The following RORC variants were observed in gnomAD, a reference collection of about 807,000 sequenced individuals.
The protein encoded by RORC is RAR related orphan receptor C, also known as nuclear receptor ROR-gamma.
RORC carries 13 observed loss-of-function variants against 64.5 expected under a neutral mutation model. The observed-to-expected ratio is 0.20, with a 90% CI of 0.13 to 0.32. The LOEUF (loss-of-function observed/expected upper bound fraction) is 0.32, where lower values mean the gene tolerates loss of function less well. Ranked by LOEUF, RORC falls within the 10% of genes least tolerant of loss-of-function variation. The probability of loss-of-function intolerance (pLI) is 1.00; values close to 1 mark genes in which losing one functional copy is unlikely to be tolerated. For missense variants in RORC, 468 were observed against 669.5 expected (o/e 0.70, Z 3.32); for synonymous variants, 277 against 259.3 (o/e 1.07, Z -0.65).
At chr1:151,825,876 G>C in intron 2 of RORC, 6 of 1,601,434 alleles carry the variant, frequency 3.7e-6, no homozygotes, top group Non-Finnish European at 5.1e-6. Context: ...CCTTTCCAGA[G>C]GGGTGACGAC....
In RORC at chr1:151,830,512, T is replaced by C. The variant is rs547855751; in HGVS notation, c.41-1054A>G. 1.3e-5 allele frequency among the ~76,000 whole-genome samples: 2 copies of C among 152,150 alleles called. No homozygotes were observed. The highest frequency in any genetic ancestry group is 4.8e-5 in the African/African-American group (2 of 41,496). Reference sequence around the variant, plus strand: ...CATCACAGAACACATGGCCAGTCTTTTGTCTCAGAAAGCCCTTCAACCATG... The same window carrying C: ...CATCACAGAACACATGGCCAGTCTTCTGTCTCAGAAAGCCCTTCAACCATG... On this transcript the variant is annotated intron_variant, in intron 1 of 10. Coordinates refer to ENST00000318247, the MANE Select transcript of RORC (RefSeq NM_005060.4). The surrounding 1 kb of genome is among the most constrained non-coding windows in gnomAD (Gnocchi z 4.0).
intron 2 of RORC, among the ~76,000 whole-genome samples, chr1:151,819,096 G>A (rs1651884816): frequency 6.6e-6 from 1 of 152,140 alleles, no homozygotes; most frequent in African/African-American, 2.4e-5. Context: ...GGTCCCCCCA[G>A]GACCAGGCGG....
intron 9 of RORC, chr1:151,812,300 A>G (rs1651568159): frequency 6.6e-6 from 1 of 152,230 alleles, no homozygotes; most frequent in Admixed American, 6.5e-5. Flanking sequence ...TTGAATACCC[A>G]TGCAACCATC....
chr1:151,822,526 G>C (rs1652032144), intron 2 of RORC, among the ~76,000 whole-genome samples: 1 of 152,204 alleles, frequency 6.6e-6, no homozygotes, highest in African/African-American at 2.4e-5. Flanking sequence ...ACCCCCTCCT[G>C]GTGCCTCCGC....
intron 2 of RORC, among the ~76,000 whole-genome samples, chr1:151,826,761 G>A (rs1652210392): frequency 6.6e-6 from 1 of 152,154 alleles, no homozygotes; most frequent in Admixed American, 6.6e-5. Context: ...TAATAATAGT[G>A]CTTACTATTA....
chr1:151,831,014 A>T (rs1652391360), intron 1 of RORC: 1 of 1,289,212 alleles, frequency 7.8e-7, no homozygotes, highest in African/African-American at 1.5e-5. Flanking sequence ...CTCACAGCTG[A>T]CCAAGCCTGT....
At chr1:151,811,576 TA>T (rs1651534359) in intron 9 of RORC, 142 bp from the exon 10 acceptor site, 2 of 536,696 alleles carry the variant, frequency 3.7e-6, no homozygotes, top group Non-Finnish European at 6.7e-6. Context: ...CTTGGTTTGA[TA>T]ATGGTAAGCT....
At chr1:151,825,560 G>C (rs757679033) in intron 2 of RORC, among the ~76,000 whole-genome samples, 2 of 152,174 alleles carry the variant, frequency 1.3e-5, no homozygotes, top group African/African-American at 4.8e-5. Flanking sequence ...AGGAGAGTGC[G>C]TTCAGGGCCC....
At chr1:151,820,958 T>A (rs1572042681) in intron 2 of RORC, among the ~76,000 whole-genome samples, 2 of 152,316 alleles carry the variant, frequency 1.3e-5, no homozygotes, top group African/African-American at 4.8e-5. Flanking sequence ...TTTTCTGCCA[T>A]CCAGTGTGAC....
At chr1:151,818,789 G>A (rs551273332) in intron 2 of RORC, among the ~76,000 whole-genome samples, 1 of 152,326 alleles carries the variant, frequency 6.6e-6, no homozygotes, top group East Asian at 1.9e-4. Context: ...AATGCACATT[G>A]CTGTGATCTC....
intron 2 of RORC, among the ~76,000 whole-genome samples, chr1:151,822,163 G>A (rs985207874): frequency 5.9e-5 from 9 of 151,874 alleles, no homozygotes; most frequent in Admixed American, 5.9e-4. Context: ...GATCCCCACC[G>A]AGACCACAGC....
At chr1:151,813,195 G>A in intron 8 of RORC, 44 bp downstream of exon 8, 1 of 1,567,720 alleles carries the variant, frequency 6.4e-7, no homozygotes, top group Admixed American at 1.7e-5. Flanking sequence ...CTTTGCCTGG[G>A]GTTGGCATCA....
intron 2 of RORC, among the ~76,000 whole-genome samples, chr1:151,827,204 C>T (rs894109907): frequency 6.6e-6 from 1 of 152,248 alleles, no homozygotes; most frequent in African/African-American, 2.4e-5. Context: ...GGTTAAGTAA[C>T]TTGCCCAAGG....
chr1:151,825,847 A>T (rs1652173094), intron 2 of RORC: 2 of 1,541,046 alleles, frequency 1.3e-6, no homozygotes, highest in Non-Finnish European at 9.0e-7. Context: ...ATTTGCTCAC[A>T]CTGTTCCCAA....
At chr1:151,829,190 C>G (rs1652312541) in intron 2 of RORC, among the ~76,000 whole-genome samples, 1 of 151,574 alleles carries the variant, frequency 6.6e-6, no homozygotes, top group Non-Finnish European at 1.5e-5. Flanking sequence ...TTCCCTTTTC[C>G]TTTGTTCTCT....
At position 151,815,442 on chromosome 1, in the gene RORC, G is replaced by A. The variant is rs1651721301; in HGVS notation, c.299-17C>T. On this transcript the variant is annotated splice_polypyrimidine_tract_variant and intron_variant, in intron 4 of 10. Coordinates refer to ENST00000318247, the MANE Select transcript of RORC (RefSeq NM_005060.4). ...ACTTGACAGCTGAAAGAGGTCCAGG[G>A]ACCAGGGGTTTATGAGGCAGGAGAA... The A allele has an allele frequency of 6.6e-7, 1 of 1,518,858 alleles. No homozygotes were observed. Among genetic ancestry groups the A allele is most frequent in the Non-Finnish European group, 8.8e-7 (1 of 1,133,538 alleles). The allele number at this position is 1,518,858 out of a possible 1,614,324, so 94.1% of individuals were successfully genotyped here. A position where few individuals can be genotyped will look rare whatever the true frequency, so the allele number is the denominator to read the frequency against.
In RORC at chr1:151,830,818, C is replaced by CAA; in HGVS notation, c.40+906_40+907insTT. On this transcript the variant is annotated intron_variant, in intron 1 of 10. Coordinates refer to ENST00000318247, the MANE Select transcript of RORC (RefSeq NM_005060.4). This position sits in a 1 kb window ranked among gnomAD's most constrained non-coding sequence, Gnocchi z 4.0. ...CCCCACCCAGCCCCGCCCACCTCCC[C>CAA]TTGCTCCTGCCTGGCCCCACCCAGC... The CAA allele has an allele frequency of 1.7e-6, 1 of 575,258 alleles. No homozygotes were observed. The highest frequency in any genetic ancestry group is 2.7e-6 in the Non-Finnish European group (1 of 376,962). The allele number at this position is 575,258 out of a possible 1,614,324, so 35.6% of individuals were successfully genotyped here.
Position 151,811,329 on chromosome 1 carries a change from G to T in RORC, c.1391C>A (p.Ala464Glu), listed in dbSNP as rs113195254. Reference protein sequence around the residue: ...LCKTHRQSILAKLPPKGKLRS... With the variant: ...LCKTHRQSILEKLPPKGKLRS... ...TACCCCAGGGACTGCTCCTACCTTT[G>T]CCAGGATGCTTTGGCGATGAGTCTT... Residue 464 changes from alanine to glutamate, a missense_variant, in exon 10 of 11, where the codon GCA (alanine) becomes GAA (glutamate). By Grantham distance (107) the Ala-to-Glu change is moderately radical (BLOSUM62 -1). Coordinates refer to ENST00000318247, the MANE Select transcript of RORC (RefSeq NM_005060.4). 1 of 1,609,828 alleles carries T rather than the reference G, an allele frequency of 6.2e-7. No individual in the cohort carries two copies. Among genetic ancestry groups the T allele is most frequent in the East Asian group, 2.2e-5 (1 of 44,848 alleles).
Position 151,830,797 on chromosome 1 carries a change from A to AC in RORC, c.40+927dup. ...GACTGCCCCGAGGTGGCAAGGCCCC[A>AC]CCCAGCCCCGCCCACCTCCCCTTGC... On this transcript the variant is annotated intron_variant, in intron 1 of 10. Transcript: ENST00000318247. This position sits in a 1 kb window ranked among gnomAD's most constrained non-coding sequence, Gnocchi z 4.0. 1 of 256,230 alleles carries AC rather than the reference A, an allele frequency of 3.9e-6. No individual in the cohort carries two copies. Among genetic ancestry groups the AC allele is most frequent in the Non-Finnish European group, 7.5e-6 (1 of 132,514 alleles). The allele number at this position is 256,230 out of a possible 1,614,324, so 15.9% of individuals were successfully genotyped here.
Sources: gnomAD v4.1 joint callset for allele counts (sites outside exome capture counted in the v4.1 genomes callset) on GRCh38, gnomAD v4.1.1 for gene constraint, Gnocchi (gnomAD v3.1) non-coding constraint, MANE v1.5 for transcripts, NCBI Gene and HGNC (gene_info 2026-07-23, HGNC 2026-07-21) for gene names.